CD38: variants seen among roughly 807,000 people sequenced by gnomAD.
CD38 encodes ADP-ribosyl cyclase/cyclic ADP-ribose hydrolase 1.
In CD38, 31 loss-of-function variants were observed where a neutral mutation model predicts 36.3. The ratio of observed to expected loss-of-function variants is 0.85; its 90% confidence interval spans 0.64 to 1.15. CD38 has a LOEUF of 1.15. CD38 is among the 50% of genes most tolerant of loss of function. The probability of loss-of-function intolerance (pLI) is 0.00; values close to 1 mark genes in which losing one functional copy is unlikely to be tolerated. For missense variants in CD38, 380 were observed against 371.9 expected (o/e 1.02, Z -0.18); for synonymous variants, 131 against 135.2 (o/e 0.97, Z 0.22).
intron 4 of CD38, among the ~76,000 whole-genome samples, chr4:15,835,109 T>C (rs772021945): frequency 3.9e-5 from 6 of 152,124 alleles, no homozygotes; most frequent in Non-Finnish European, 7.4e-5. Context: ...ACAGTGTTAT[T>C]GAACACCAGA....
intron 7 of CD38, 118 bp downstream of exon 7, chr4:15,840,656 T>C (rs1724186957): frequency 8.0e-6 from 5 of 623,984 alleles, no homozygotes; most frequent in Non-Finnish European, 1.4e-5. Flanking sequence ...GCCTTGATGA[T>C]GATCACAGAT....
chr4:15,778,395 C>T lies in CD38; in HGVS notation c.-20C>T. The T allele has an allele frequency of 6.3e-7, 1 of 1,585,242 alleles. No individual in the cohort carries two copies. The highest frequency in any genetic ancestry group is 2.2e-5 in the East Asian group (1 of 44,644). ...TCCTGCCGGCCTCATCTTCGCCCAG[C>T]CAACCCCGCCTGGAGCCCTATGGCC... On this transcript the variant is annotated 5_prime_UTR_variant, in exon 1 of 8. Transcript: ENST00000226279. The surrounding 1 kb of genome is among the most constrained non-coding windows in gnomAD (Gnocchi z 4.9).
At chr4:15,834,176 C>A in intron 3 of CD38, 41 bp from the exon 4 acceptor site, 1 of 1,299,762 alleles carries the variant, frequency 7.7e-7, no homozygotes, top group Non-Finnish European at 1.1e-6. Flanking sequence ...TATTTATACT[C>A]TCTGTTTTCC....
chr4:15,786,030 G>C (rs866067933), intron 1 of CD38, among the ~76,000 whole-genome samples: 1 of 151,930 alleles, frequency 6.6e-6, no homozygotes, highest in Non-Finnish European at 1.5e-5. Context: ...GGAGTTGTTC[G>C]TTCCTCCTGG....
intron 1 of CD38, among the ~76,000 whole-genome samples, chr4:15,794,465 C>A (rs73226561): frequency 6.6e-6 from 1 of 152,040 alleles, no homozygotes; most frequent in African/African-American, 2.4e-5. Flanking sequence ...ACAGCGTATA[C>A]AGACACAAGG....
chr4:15,796,712 T>C (rs886832036), intron 1 of CD38, among the ~76,000 whole-genome samples: 1 of 152,178 alleles, frequency 6.6e-6, no homozygotes, highest in Non-Finnish European at 1.5e-5. Context: ...AAATATTCTC[T>C]GCATATATAA....
intron 5 of CD38, among the ~76,000 whole-genome samples, chr4:15,839,233 A>T (rs1019083985): frequency 2.6e-5 from 4 of 152,064 alleles, no homozygotes; most frequent in Non-Finnish European, 4.4e-5. Flanking sequence ...TGGTTCAAGC[A>T]CTTGAAACAG....
intron 1 of CD38, among the ~76,000 whole-genome samples, chr4:15,788,367 C>T (rs1408144206): frequency 6.6e-6 from 1 of 152,014 alleles, no homozygotes; most frequent in Non-Finnish European, 1.5e-5. Context: ...GTTTGTCAGC[C>T]GAAACAGGGA....
rs543124045 is a variant in CD38, at chr4:15,799,588, A to ATTGGG, written c.234-16921_234-16917dup. ...TATTAATAGCTTGTTCCTTTTTATT[A>ATTGGG]TTGGGTCTATTGTGTGTATATATCA... On this transcript the variant is annotated intron_variant, in intron 1 of 7. Transcript: ENST00000226279. Among the ~76,000 whole-genome samples the ATTGGG allele has an allele frequency of 1.8e-4, 27 of 152,066 alleles. No homozygotes were observed. In the East Asian group the frequency reaches 5.2e-3, roughly 29 times the overall value.
chr4:15,837,369 G>T (rs1042009494), intron 4 of CD38, among the ~76,000 whole-genome samples: 1 of 151,798 alleles, frequency 6.6e-6, no homozygotes, highest in Non-Finnish European at 1.5e-5. Flanking sequence ...AATTTTTGTG[G>T]GTAGGTTAAA....
chr4:15,838,748 T>C (rs1204596629), intron 5 of CD38, among the ~76,000 whole-genome samples: 1 of 152,212 alleles, frequency 6.6e-6, no homozygotes, highest in Non-Finnish European at 1.5e-5. Flanking sequence ...ATCATCTGTG[T>C]GACCTCAGGC....
Position 15,804,435 on chromosome 4 carries a change from A to C in CD38, c.234-12076A>C, listed in dbSNP as rs539827002. Among the ~76,000 whole-genome samples, 4 of 152,336 alleles carry C rather than the reference A, an allele frequency of 2.6e-5. No individual in the cohort carries two copies. The East Asian group carries it at 5.8e-4, about 22-fold the overall frequency. On this transcript the variant is annotated intron_variant, in intron 1 of 7. Transcript: ENST00000226279. ...ATCTCGCTACTGGACCTATATCCAA[A>C]GAAAATAAAATCATATGTCGAAGAG...
Position 15,778,684 on chromosome 4 carries a change from G to T in CD38, c.233+37G>T. The T allele has an allele frequency of 4.3e-6, 6 of 1,391,638 alleles. No individual in the cohort carries two copies. The highest frequency in any genetic ancestry group is 6.1e-6 in the Non-Finnish European group (6 of 984,108). 86.2% of individuals were successfully genotyped at this position (1,391,638 alleles called of 1,614,324 possible). A position where few individuals can be genotyped will look rare whatever the true frequency, so the allele number is the denominator to read the frequency against. ...ACTAAGGCGCACCGGTGGGCACTGC[G>T]GGGACAGCAGGGCCCCGCGCGCAGG... On this transcript the variant is annotated intron_variant, in intron 1 of 7. Transcript: ENST00000226279. This position sits in a 1 kb window ranked among gnomAD's most constrained non-coding sequence, Gnocchi z 4.9.
Position 15,808,791 on chromosome 4 carries a change from C to T in CD38, c.234-7720C>T, listed in dbSNP as rs12648700. Among the ~76,000 whole-genome samples, 138 of 152,314 alleles carry T rather than the reference C, an allele frequency of 9.1e-4. 4 individuals carry two copies. In the East Asian group the frequency reaches 0.025, roughly 28 times the overall value. Reference sequence around the variant, plus strand: ...TTAGCCTTGCCTGGCCCTACGGTAACTATTTGGTTCCATCATGGTGGCTGA... The same window carrying T: ...TTAGCCTTGCCTGGCCCTACGGTAATTATTTGGTTCCATCATGGTGGCTGA... On this transcript the variant is annotated intron_variant, in intron 1 of 7. Transcript: ENST00000226279.
At chr4:15,840,783 TG>T (rs1724189957) in intron 7 of CD38, among the ~76,000 whole-genome samples, 1 of 152,190 alleles carries the variant, frequency 6.6e-6, no homozygotes, top group Non-Finnish European at 1.5e-5. Context: ...AAGTAGGACT[TG>T]CCTCTAAAGC....
intron 3 of CD38, 98 bp downstream of exon 3, chr4:15,825,114 C>A: frequency 1.6e-6 from 2 of 1,218,738 alleles, no homozygotes; most frequent in Non-Finnish European, 2.3e-6. Context: ...AGGACAGAGC[C>A]ACAGGCACCC....
chr4:15,778,455 C>T lies in CD38; in HGVS notation c.41C>T (p.Pro14Leu). 2 of 1,614,010 alleles carry T rather than the reference C, an allele frequency of 1.2e-6. No homozygotes were observed. The highest frequency in any genetic ancestry group is 1.7e-6 in the Non-Finnish European group (2 of 1,180,004). The stretch of plus-strand genomic sequence containing the variant: ...TTCAGCCCGGTGTCCGGGGACAAAC[C>T]CTGCTGCCGGCTCTCTAGGAGAGCC... The part of the protein sequence containing the change: ...CEFSPVSGDK[P>L]CCRLSRRAQL... The change falls in exon 1 of 8, where the codon CCC becomes CTC. Residue 14 changes from proline (P) to leucine (L), a missense_variant. Coordinates refer to ENST00000226279, the MANE Select transcript of CD38 (RefSeq NM_001775.4). This position sits in a 1 kb window ranked among gnomAD's most constrained non-coding sequence, Gnocchi z 4.9.
intron 7 of CD38, among the ~76,000 whole-genome samples, chr4:15,841,638 A>G (rs1322652877): frequency 1.3e-5 from 2 of 149,868 alleles, no homozygotes; most frequent in Non-Finnish European, 2.9e-5. Flanking sequence ...CTGCATTTCC[A>G]TCTGAGGTAC....
intron 3 of CD38, among the ~76,000 whole-genome samples, chr4:15,831,982 CTTTT>C (rs1326976866): frequency 6.6e-6 from 1 of 151,920 alleles, no homozygotes; most frequent in Non-Finnish European, 1.5e-5. Context: ...GTTTTTTATT[CTTTT>C]TTCTTTTGTC....
Sources: gnomAD v4.1 joint callset for allele counts (sites outside exome capture counted in the v4.1 genomes callset) on GRCh38, gnomAD v4.1.1 for gene constraint, Gnocchi (gnomAD v3.1) non-coding constraint, MANE v1.5 for transcripts, NCBI Gene and HGNC (gene_info 2026-07-23, HGNC 2026-07-21) for gene names.